Variants in GTF2A1 observed in about 807,000 individuals in gnomAD.
GTF2A1 encodes the protein transcription initiation factor IIA subunit 1.
GTF2A1 carries 12 observed loss-of-function variants against 54.1 expected under a neutral mutation model. That is an observed-to-expected ratio of 0.22 (90% CI 0.14 to 0.36). The LOEUF (loss-of-function observed/expected upper bound fraction) is 0.36, where lower values mean the gene tolerates loss of function less well. Ranked by LOEUF, GTF2A1 falls within the 10% of genes least tolerant of loss-of-function variation. The pLI is 1.00. For synonymous variants in GTF2A1, 145 were observed against 152.0 expected, an observed-to-expected ratio of 0.95 and a Z score of 0.34; for missense variants, 335 against 442.2, an observed-to-expected ratio of 0.76 and a Z score of 2.17.
chr14:81,183,747 A>G (rs995659175), intron 8 of GTF2A1, among the ~76,000 whole-genome samples: 1 of 152,206 alleles, frequency 6.6e-6, no homozygotes, highest in African/African-American at 2.4e-5. Context: ...GAACTCTACC[A>G]TATTATTAGC....
chr14:81,189,946 T>C (rs1199002302), intron 7 of GTF2A1, among the ~76,000 whole-genome samples: 1 of 151,890 alleles, frequency 6.6e-6, no homozygotes, highest in African/African-American at 2.4e-5. Context: ...AGAATAAAGC[T>C]AAAAGTTTAC....
intron 1 of GTF2A1, among the ~76,000 whole-genome samples, chr14:81,218,097 T>TG: frequency 6.6e-6 from 1 of 151,656 alleles, no homozygotes; most frequent in Non-Finnish European, 1.5e-5. Flanking sequence ...TAAAGTGCTT[T>TG]TTTTTTTTTA....
chr14:81,193,056 C>G (rs899711663), intron 6 of GTF2A1, among the ~76,000 whole-genome samples: 1 of 152,086 alleles, frequency 6.6e-6, no homozygotes, highest in African/African-American at 2.4e-5. Context: ...CTAAAGATAA[C>G]TGCTTCATTT....
At chr14:81,216,990 T>C (rs958643901) in intron 1 of GTF2A1, among the ~76,000 whole-genome samples, 3 of 152,202 alleles carry the variant, frequency 2.0e-5, no homozygotes, top group African/African-American at 7.2e-5. Context: ...CTAACTTCTG[T>C]TGTGTGACCC....
Position 81,179,588 on chromosome 14 carries a change from G to A in GTF2A1, c.*635C>T, listed in dbSNP as rs1223675130. The A allele has an allele frequency of 6.6e-6, 1 of 151,864 alleles. No homozygotes were observed. Among genetic ancestry groups the A allele is most frequent in the Non-Finnish European group, 1.5e-5 (1 of 67,968 alleles). 9.4% of individuals were successfully genotyped at this position (151,864 alleles called of 1,614,324 possible). Reference sequence around the variant, plus strand: ...TAATTAAAATAAATATTCATTCCTGGGTCAAATTTTATCTCCAAACTATGA... The same window carrying A: ...TAATTAAAATAAATATTCATTCCTGAGTCAAATTTTATCTCCAAACTATGA... On this transcript the variant is annotated 3_prime_UTR_variant, in exon 9 of 9. Coordinates refer to ENST00000553612, the MANE Select transcript of GTF2A1 (RefSeq NM_015859.4).
rs1302066560 is a variant in GTF2A1, at chr14:81,175,492, T to C, written c.*4731A>G. 1 of 152,218 alleles carries C rather than the reference T, an allele frequency of 6.6e-6. No homozygotes were observed. The allele number at this position is 152,218 out of a possible 1,614,324, so 9.4% of individuals were successfully genotyped here. On this transcript the variant is annotated 3_prime_UTR_variant, in exon 9 of 9. Coordinates refer to ENST00000553612, the MANE Select transcript of GTF2A1 (RefSeq NM_015859.4). ...TAAGATATCTTTATTATGATTATGT[T>C]AATAGTTAAAATTTGCATGTTTTCT...
chr14:81,203,802 T>C, intron 3 of GTF2A1, 98 bp downstream of exon 3: 2 of 1,083,868 alleles, frequency 1.8e-6, no homozygotes, highest in Middle Eastern at 2.0e-4. Flanking sequence ...CATGTGCCCC[T>C]TAAAAGACAA....
intron 4 of GTF2A1, among the ~76,000 whole-genome samples, chr14:81,198,955 C>T (rs1893046661): frequency 6.6e-6 from 1 of 152,136 alleles, no homozygotes; most frequent in South Asian, 2.1e-4. Flanking sequence ...GAAATTCCCA[C>T]TGTGTCTCCA....
In GTF2A1 at chr14:81,176,936, T is replaced by C. The variant is rs1278156599; in HGVS notation, c.*3287A>G. The C allele has an allele frequency of 6.6e-6, 1 of 152,100 alleles. No individual in the cohort carries two copies. The highest frequency in any genetic ancestry group is 1.5e-5 in the Non-Finnish European group (1 of 67,964). The allele number at this position is 152,100 out of a possible 1,614,324, so 9.4% of individuals were successfully genotyped here. A position where few individuals can be genotyped will look rare whatever the true frequency, so the allele number is the denominator to read the frequency against. ...AACTCCCAAGAGGAAATTATGTCTG[T>C]TTTCCTATACAAGGGGTATTTACCC... On this transcript the variant is annotated 3_prime_UTR_variant, in exon 9 of 9. Coordinates refer to ENST00000553612, the MANE Select transcript of GTF2A1 (RefSeq NM_015859.4).
intron 2 of GTF2A1, among the ~76,000 whole-genome samples, chr14:81,205,535 T>C (rs563244721): frequency 2.0e-5 from 3 of 152,328 alleles, no homozygotes; most frequent in African/African-American, 7.2e-5. Flanking sequence ...CAGTGTTACA[T>C]AAAGTTGGTG....
At chr14:81,186,147 C>T (rs1385757241) in intron 7 of GTF2A1, among the ~76,000 whole-genome samples, 4 of 152,168 alleles carry the variant, frequency 2.6e-5, no homozygotes, top group African/African-American at 7.2e-5. Flanking sequence ...CCACCACACC[C>T]GGCCTATCTT....
chr14:81,189,757 G>A (rs1198685765), intron 7 of GTF2A1, among the ~76,000 whole-genome samples: 1 of 151,948 alleles, frequency 6.6e-6, no homozygotes, highest in Admixed American at 6.6e-5. Context: ...AAATCTAACA[G>A]ACACATACAA....
intron 6 of GTF2A1, among the ~76,000 whole-genome samples, chr14:81,194,443 G>C (rs1213717319): frequency 6.6e-6 from 1 of 152,220 alleles, no homozygotes; most frequent in Non-Finnish European, 1.5e-5. Context: ...GCATTCTTAA[G>C]AGAAGTGTAA....
chr14:81,189,763 T>C (rs750986718), intron 7 of GTF2A1, among the ~76,000 whole-genome samples: 110 of 151,916 alleles, frequency 7.2e-4, no homozygotes, highest in Non-Finnish European at 1.4e-3. Flanking sequence ...AACAGACACA[T>C]ACAAATACCA....
chr14:81,195,100 A>G (rs1468387058), intron 6 of GTF2A1, among the ~76,000 whole-genome samples: 1 of 148,238 alleles, frequency 6.7e-6, no homozygotes, highest in East Asian at 2.0e-4. Context: ...AGATTGCGCC[A>G]TTGCACTCCA....
At position 81,196,135 on chromosome 14, in the gene GTF2A1, A is replaced by G; in HGVS notation, c.585T>C (p.Gly195=). ...QQQVIPQMQP[G]GVQAPVIQQV... is the part of the protein sequence containing the mutation. ...GCTGTATAACAGGAGCTTGTACTCCACCAGGCTGCATTTGTGGTATAACCT... is the reference window on the plus strand; with the variant it reads ...GCTGTATAACAGGAGCTTGTACTCCGCCAGGCTGCATTTGTGGTATAACCT... The change falls in exon 6 of 9, where the codon GGT becomes GGC. Residue 195 remains glycine, a synonymous_variant. Coordinates refer to ENST00000553612, the MANE Select transcript of GTF2A1 (RefSeq NM_015859.4). The G allele has an allele frequency of 1.9e-6, 3 of 1,613,812 alleles. No individual in the cohort carries two copies. Among genetic ancestry groups the G allele is most frequent in the Non-Finnish European group, 2.5e-6 (3 of 1,179,688 alleles).
intron 6 of GTF2A1, among the ~76,000 whole-genome samples, chr14:81,193,713 G>C (rs1037681531): frequency 1.3e-5 from 2 of 152,020 alleles, no homozygotes; most frequent in African/African-American, 4.8e-5. Flanking sequence ...TCCTTTCCAG[G>C]TTCTGCATCT....
At chr14:81,197,135 C>A in intron 5 of GTF2A1, 1 of 248,462 alleles carries the variant, frequency 4.0e-6, no homozygotes, top group Non-Finnish European at 7.7e-6. Flanking sequence ...CAGTAAAAAA[C>A]TAAGTAAGCA....
At chr14:81,215,306 AC>A (rs1893463310) in intron 2 of GTF2A1, among the ~76,000 whole-genome samples, 1 of 152,224 alleles carries the variant, frequency 6.6e-6, no homozygotes, top group Non-Finnish European at 1.5e-5. Context: ...GCACCTGTGC[AC>A]TTGAATTGTG....
Sources: gnomAD v4.1 joint callset for allele counts (sites outside exome capture counted in the v4.1 genomes callset) on GRCh38, gnomAD v4.1.1 for gene constraint, MANE v1.5 for transcripts, NCBI Gene and HGNC (gene_info 2026-07-23, HGNC 2026-07-21) for gene names.